The following CLVS1 variants were observed in gnomAD, a reference collection of about 807,000 sequenced individuals.
The protein encoded by CLVS1 is clavesin-1.
A neutral mutation model predicts 33.1 loss-of-function variants in CLVS1; 10 were observed. The ratio of observed to expected loss-of-function variants is 0.30; its 90% CI spans 0.19 to 0.51. CLVS1 has a LOEUF of 0.51. Among genes scored for constraint, CLVS1 ranks in the 20% least tolerant of loss-of-function variants. The pLI, the probability that CLVS1 is intolerant of heterozygous loss-of-function variation, is 0.97. For synonymous variants in CLVS1, 163 were observed against 166.1 expected (o/e 0.98, Z 0.14); for missense variants, 343 against 433.4 (o/e 0.79, Z 1.85).
intron 2 of CLVS1, among the ~76,000 whole-genome samples, chr8:61,247,307 A>G (rs1432675942): frequency 1.3e-5 from 2 of 152,164 alleles, no homozygotes; most frequent in Non-Finnish European, 1.5e-5. Flanking sequence ...TTCTGGGTAT[A>G]TATCCAGTAA....
intron 3 of CLVS1, among the ~76,000 whole-genome samples, chr8:61,424,251 C>T (rs534718484): frequency 2.0e-5 from 3 of 152,358 alleles, no homozygotes; most frequent in East Asian, 1.9e-4. Context: ...AAAGGTCTTA[C>T]ACTTTCCATG....
chr8:61,019,407 TC>T, the CLVS1 span, among the ~76,000 whole-genome samples: 262 of 152,310 alleles, frequency 1.7e-3, 2 homozygotes, highest in Admixed American at 3.2e-3. Flanking sequence ...AATCTCACAC[TC>T]CATTTAGACT....
intron 2 of CLVS1, among the ~76,000 whole-genome samples, chr8:61,133,222 TGGCCACAATAGACA>T (rs1439068345): frequency 6.6e-6 from 1 of 151,840 alleles, no homozygotes; most frequent in Non-Finnish European, 1.5e-5. Context: ...GTTCAACACA[TGGCCACAATAGACA>T]GCTGTAAAAG....
intron 1 of CLVS1, among the ~76,000 whole-genome samples, chr8:61,289,449 G>T (rs1809899496): frequency 6.6e-6 from 1 of 152,178 alleles, no homozygotes; most frequent in Non-Finnish European, 1.5e-5. Flanking sequence ...GAAAATAAGT[G>T]CCTGAGCCTG....
chr8:61,410,337 C>T (rs1467940797), intron 3 of CLVS1, among the ~76,000 whole-genome samples: 2 of 152,164 alleles, frequency 1.3e-5, no homozygotes, highest in East Asian at 1.9e-4. Flanking sequence ...CTTTCCATCT[C>T]CATCATATGC....
At chr8:61,049,968 G>A in the CLVS1 span, among the ~76,000 whole-genome samples, 1 of 152,248 alleles carries the variant, frequency 6.6e-6, no homozygotes, top group Non-Finnish European at 1.5e-5. Flanking sequence ...GTGACATTGT[G>A]TGGGCACTAA....
intron 2 of CLVS1, among the ~76,000 whole-genome samples, chr8:61,159,407 A>T (rs994499420): frequency 1.3e-5 from 2 of 152,234 alleles, no homozygotes; most frequent in African/African-American, 2.4e-5. Context: ...TCAAGAAGAT[A>T]ATGCTGAGAA....
intron 2 of CLVS1, among the ~76,000 whole-genome samples, chr8:61,228,114 G>T (rs990837504): frequency 6.6e-6 from 1 of 151,956 alleles, no homozygotes; most frequent in African/African-American, 2.4e-5. Context: ...TGAATTTTTG[G>T]TATGTCTTTT....
chr8:61,077,432 C>G (rs1804935647), intron 1 of CLVS1, among the ~76,000 whole-genome samples: 2 of 145,880 alleles, frequency 1.4e-5, no homozygotes, highest in African/African-American at 5.0e-5. Flanking sequence ...GTCAAGGGAC[C>G]CTCTAAAAGT....
At chr8:61,421,651 G>T (rs780708693) in intron 3 of CLVS1, among the ~76,000 whole-genome samples, 2 of 152,196 alleles carry the variant, frequency 1.3e-5, no homozygotes, top group Non-Finnish European at 2.9e-5. Context: ...TGCCGGATGT[G>T]GTGTCCAGCT....
the CLVS1 span, among the ~76,000 whole-genome samples, chr8:60,970,817 T>C: frequency 6.6e-6 from 1 of 152,188 alleles, no homozygotes; most frequent in Non-Finnish European, 1.5e-5. Context: ...GGTGATTTCA[T>C]CCCCTCTATT....
At chr8:61,029,904 C>T in the CLVS1 span, among the ~76,000 whole-genome samples, 3 of 152,168 alleles carry the variant, frequency 2.0e-5, no homozygotes, top group South Asian at 6.2e-4. Context: ...CTACACGTTG[C>T]GTCAGGATCT....
the CLVS1 span, among the ~76,000 whole-genome samples, chr8:60,974,128 A>G: frequency 6.6e-6 from 1 of 152,176 alleles, no homozygotes; most frequent in East Asian, 1.9e-4. Context: ...GTAGGGATAT[A>G]TTCAGCTGGG....
chr8:61,305,570 A>G (rs79820968), intron 2 of CLVS1, among the ~76,000 whole-genome samples: 2,748 of 152,040 alleles, frequency 0.018, 90 homozygotes, highest in African/African-American at 0.063. Context: ...CTCTTTTTTA[A>G]CTTTTAAGTT....
At chr8:61,340,595 C>T (rs1028097752) in intron 2 of CLVS1, among the ~76,000 whole-genome samples, 12 of 152,112 alleles carry the variant, frequency 7.9e-5, no homozygotes, top group Admixed American at 2.6e-4. Flanking sequence ...CATTGATGGA[C>T]GCAAGTTGAT....
chr8:61,013,676 C>T, the CLVS1 span, among the ~76,000 whole-genome samples: 2 of 152,224 alleles, frequency 1.3e-5, no homozygotes, highest in Non-Finnish European at 2.9e-5. Flanking sequence ...CTGCACGTGT[C>T]AGCTCATCTT....
intron 4 of CLVS1, among the ~76,000 whole-genome samples, chr8:61,456,032 G>A (rs992386749): frequency 3.3e-5 from 5 of 152,214 alleles, no homozygotes; most frequent in African/African-American, 1.2e-4. Context: ...AGTGTTCTAG[G>A]ACTGTTCTCA....
At chr8:61,185,165 A>G (rs1304943777) in intron 2 of CLVS1, among the ~76,000 whole-genome samples, 1 of 140,202 alleles carries the variant, frequency 7.1e-6, no homozygotes, top group Non-Finnish European at 1.6e-5. Flanking sequence ...GTTTTTTGTG[A>G]CAAGATCTTG....
intron 3 of CLVS1, among the ~76,000 whole-genome samples, chr8:61,382,326 A>T (rs1307560520): frequency 6.6e-6 from 1 of 152,232 alleles, no homozygotes; most frequent in African/African-American, 2.4e-5. Flanking sequence ...CTCGTGGTGT[A>T]TTCATCCAAC....
Sources: gnomAD v4.1 joint callset for allele counts (sites outside exome capture counted in the v4.1 genomes callset) on GRCh38, gnomAD v4.1.1 for gene constraint, MANE v1.5 for transcripts, NCBI Gene and HGNC (gene_info 2026-07-23, HGNC 2026-07-21) for gene names.